Variants in SGK3 observed in about 807,000 individuals in gnomAD.
The protein encoded by SGK3 is serum/glucocorticoid regulated kinase family member 3, also known as serine/threonine-protein kinase Sgk3.
In SGK3, 47 loss-of-function variants were observed where a neutral mutation model predicts 68.5. The ratio of observed to expected loss-of-function variants is 0.69; its 90% CI spans 0.54 to 0.87. The LOEUF (loss-of-function observed/expected upper bound fraction) is 0.87. Among genes scored for constraint, SGK3 ranks in the 40% least tolerant of loss-of-function variants. The pLI is 0.00. For missense variants in SGK3, 479 were observed against 575.5 expected (o/e 0.83, Z 1.72); for synonymous variants, 181 against 189.1 (o/e 0.96, Z 0.35).
intron 1 of SGK3, among the ~76,000 whole-genome samples, chr8:66,772,419 G>A (rs974931525): frequency 6.6e-6 from 1 of 150,894 alleles, no homozygotes; most frequent in African/African-American, 2.4e-5. Context: ...TTTTGAGGCA[G>A]GGTCTCTCTC....
intron 1 of SGK3, among the ~76,000 whole-genome samples, chr8:66,780,800 G>A (rs1344142173): frequency 3.3e-5 from 5 of 152,180 alleles, no homozygotes; most frequent in African/African-American, 1.2e-4. Context: ...CGTGGAAAGG[G>A]GGTTAAGCAA....
intron 4 of SGK3, among the ~76,000 whole-genome samples, chr8:66,810,959 T>G (rs1808359126): frequency 1.3e-5 from 2 of 152,190 alleles, no homozygotes; most frequent in East Asian, 1.9e-4. Flanking sequence ...TGTTAACATT[T>G]TATTATGAAT....
In SGK3 at chr8:66,744,034, G is replaced by T. The variant is rs145935269; in HGVS notation, c.-122+31201G>T. On this transcript the variant is annotated intron_variant, in intron 1 of 16. Coordinates refer to ENST00000521198, the MANE Select transcript of SGK3 (RefSeq NM_001033578.3). ...GCCTCTTACCTGGGCTGGATCCTTT[G>T]CTGCTTCTTTTTTTGGCTTATTCTG... 6.7e-4 allele frequency among the ~76,000 whole-genome samples: 102 copies of T among 152,252 alleles called. 1 individual carries two copies. The East Asian group carries it at 0.02, about 29-fold the overall frequency.
rs545520799 is a variant in SGK3 at position 66,749,776 on chromosome 8, TA to T, written c.-122+36944del. Among the ~76,000 whole-genome samples the T allele has an allele frequency of 5.3e-5, 8 of 152,192 alleles. No homozygotes were observed. In the East Asian group the frequency reaches 1.3e-3, roughly 26 times the overall value. ...ATTTGAGATAATTTAGATATGTTTA[TA>T]TATAGATGCAGAAATATAAAGATAT... On this transcript the variant is annotated intron_variant, in intron 1 of 16. Transcript: ENST00000521198.
intron 8 of SGK3, among the ~76,000 whole-genome samples, chr8:66,835,291 C>T (rs1045687591): frequency 6.6e-6 from 1 of 152,158 alleles, no homozygotes; most frequent in African/African-American, 2.4e-5. Context: ...GGACCCAGCC[C>T]ACTATAGAAA....
intron 2 of SGK3, among the ~76,000 whole-genome samples, chr8:66,797,978 T>C (rs1163261460): frequency 1.3e-5 from 2 of 152,112 alleles, no homozygotes; most frequent in Non-Finnish European, 2.9e-5. Flanking sequence ...TATTTTTTTC[T>C]GACCTCATTT....
intron 8 of SGK3, among the ~76,000 whole-genome samples, chr8:66,832,278 C>T (rs563640287): frequency 7.2e-5 from 11 of 152,272 alleles, no homozygotes; most frequent in African/African-American, 2.6e-4. Context: ...ATGAAGTTAT[C>T]AGAATCATCG....
chr8:66,716,184 G>T (rs1804625432), intron 1 of SGK3, among the ~76,000 whole-genome samples: 1 of 152,072 alleles, frequency 6.6e-6, no homozygotes, highest in Non-Finnish European at 1.5e-5. Context: ...TGGAGACTTT[G>T]CTCTCATTTC....
chr8:66,773,457 G>C (rs1171846647), intron 1 of SGK3, among the ~76,000 whole-genome samples: 2 of 152,194 alleles, frequency 1.3e-5, no homozygotes, highest in African/African-American at 4.8e-5. Context: ...TGAAACTGCA[G>C]ATAGTACTGG....
At chr8:66,798,383 G>A (rs1394710292) in intron 2 of SGK3, among the ~76,000 whole-genome samples, 159 bp from the exon 3 acceptor site, 2 of 151,004 alleles carry the variant, frequency 1.3e-5, no homozygotes, top group East Asian at 3.9e-4. Context: ...ATATAAAAAT[G>A]TTAATATCAG....
intron 1 of SGK3, among the ~76,000 whole-genome samples, chr8:66,736,494 G>C (rs75767323): frequency 2.3e-4 from 35 of 152,096 alleles, no homozygotes; most frequent in Non-Finnish European, 4.0e-4. Flanking sequence ...GTCTTGCTCT[G>C]TTGCCCAGGC....
chr8:66,779,852 G>A (rs1806903406), intron 1 of SGK3, among the ~76,000 whole-genome samples: 1 of 151,336 alleles, frequency 6.6e-6, no homozygotes, highest in Admixed American at 6.6e-5. Context: ...TTTGTGCTTT[G>A]GGAAATTTTT....
Position 66,859,691 on chromosome 8 carries a change from T to C in SGK3, c.*110T>C. ...GTATAACTAGTGCCTCATTTTTATA[T>C]GTAATGATGAAAACTATGAAAAAAT... On this transcript the variant is annotated 3_prime_UTR_variant, in exon 17 of 17. Coordinates refer to ENST00000521198, the MANE Select transcript of SGK3 (RefSeq NM_001033578.3). The C allele has an allele frequency of 2.4e-6, 3 of 1,230,250 alleles. No individual in the cohort carries two copies. Among genetic ancestry groups the C allele is most frequent in the South Asian group, 2.6e-5 (1 of 38,604 alleles). The allele number at this position is 1,230,250 out of a possible 1,614,324, so 76.2% of individuals were successfully genotyped here. A position where few individuals can be genotyped will look rare whatever the true frequency, so the allele number is the denominator to read the frequency against.
intron 1 of SGK3, among the ~76,000 whole-genome samples, chr8:66,780,689 C>G (rs1806936933): frequency 6.6e-6 from 1 of 152,060 alleles, no homozygotes; most frequent in African/African-American, 2.4e-5. Context: ...CTGGTGGGTG[C>G]AGCTGGAGAG....
intron 1 of SGK3, among the ~76,000 whole-genome samples, chr8:66,759,875 A>G (rs1243989998): frequency 2.0e-5 from 3 of 151,768 alleles, no homozygotes; most frequent in Admixed American, 6.6e-5. Flanking sequence ...ATGAGCCACC[A>G]CGCCCAGCCC....
intron 6 of SGK3, among the ~76,000 whole-genome samples, chr8:66,825,162 G>A (rs768287794): frequency 3.3e-5 from 5 of 152,050 alleles, no homozygotes; most frequent in African/African-American, 7.2e-5. Flanking sequence ...GGGTTCTGCC[G>A]CTGTTGGCTT....
intron 1 of SGK3, among the ~76,000 whole-genome samples, chr8:66,751,772 T>G (rs1805825064): frequency 6.6e-6 from 1 of 151,744 alleles, no homozygotes; most frequent in Admixed American, 6.6e-5. Context: ...ATTTATTTAT[T>G]TATTTATTTT....
intron 1 of SGK3, chr8:66,777,945 C>T (rs1806776932): frequency 3.9e-5 from 6 of 152,176 alleles, no homozygotes; most frequent in Admixed American, 2.0e-4. Context: ...TCTTTTTCTC[C>T]GATGTGGGCA....
intron 1 of SGK3, among the ~76,000 whole-genome samples, chr8:66,763,965 G>T (rs1806245026): frequency 6.6e-6 from 1 of 152,186 alleles, no homozygotes; most frequent in African/African-American, 2.4e-5. Flanking sequence ...AACCATCAGG[G>T]CTCAAGTGAT....
Sources: allele counts gnomAD v4.1 joint callset (sites outside exome capture counted in the v4.1 genomes callset), GRCh38; gene constraint gnomAD v4.1.1; transcripts MANE v1.5; gene names NCBI Gene and HGNC (gene_info 2026-07-23, HGNC 2026-07-21).